The following XKR6 variants were observed in gnomAD, a reference collection of about 807,000 sequenced individuals.
XKR6 encodes XK-related protein 6.
A neutral mutation model predicts 56.7 loss-of-function variants in XKR6; 22 were observed. The observed-to-expected ratio is 0.39, with a 90% confidence interval of 0.28 to 0.55. The LOEUF is 0.55. Among genes scored for constraint, XKR6 ranks in the 20% least tolerant of loss-of-function variants. XKR6 has a pLI of 0.66. For synonymous variants in XKR6, 524 were observed against 387.8 expected (o/e 1.35, Z -4.13); for missense variants, 852 against 889.0 (o/e 0.96, Z 0.53).
At chr8:11,157,037 G>A (rs1426131501) in intron 1 of XKR6, among the ~76,000 whole-genome samples, 1 of 152,226 alleles carries the variant, frequency 6.6e-6, no homozygotes, top group Non-Finnish European at 1.5e-5. Context: ...TTGAGGTCAT[G>A]AGAGGGCACT....
In XKR6 at chr8:11,167,853, C is replaced by T. The variant is rs950810994; in HGVS notation, c.764+32723G>A. On this transcript the variant is annotated intron_variant, in intron 1 of 2. Transcript: ENST00000416569. ...ACTACCAGGCTAGGCACAGTGGCTCCTGCCAAGCCTGGGTGACAGAGTAAG... is the reference window on the plus strand; with the variant it reads ...ACTACCAGGCTAGGCACAGTGGCTCTTGCCAAGCCTGGGTGACAGAGTAAG... Among the ~76,000 whole-genome samples the T allele has an allele frequency of 8.0e-5, 12 of 149,348 alleles. 1 individual carries two copies. The highest frequency in any genetic ancestry group is 3.0e-4 in the African/African-American group (12 of 40,516).
At chr8:11,108,781 C>T (rs1459348485) in intron 1 of XKR6, 2 of 171,098 alleles carry the variant, frequency 1.2e-5, no homozygotes, top group African/African-American at 2.4e-5. Flanking sequence ...AAAATGAAGA[C>T]GATCTTCTGG....
At chr8:11,174,820 C>T (rs1802576235) in intron 1 of XKR6, among the ~76,000 whole-genome samples, 1 of 152,166 alleles carries the variant, frequency 6.6e-6, no homozygotes, top group South Asian at 2.1e-4. Context: ...CAGAGAAGCA[C>T]AAGAGAACGG....
chr8:11,156,594 G>A (rs1454711471), intron 1 of XKR6, among the ~76,000 whole-genome samples: 8 of 152,148 alleles, frequency 5.3e-5, no homozygotes, highest in Non-Finnish European at 8.8e-5. Context: ...CCCCAAAGAA[G>A]TTAAAAATTA....
chr8:10,948,387 T>C (rs1173185331), intron 1 of XKR6, among the ~76,000 whole-genome samples: 2 of 152,170 alleles, frequency 1.3e-5, no homozygotes, highest in Non-Finnish European at 2.9e-5. Context: ...CTTAGGCTCT[T>C]GAAACCTCTG....
At chr8:11,107,194 A>ATTTT (rs562010935) in intron 1 of XKR6, among the ~76,000 whole-genome samples, 21 of 144,572 alleles carry the variant, frequency 1.5e-4, no homozygotes, top group Admixed American at 6.3e-4. Context: ...CAGGATTCCA[A>ATTTT]TTTTTTTTTT....
chr8:10,938,073 T>C (rs1801279054), intron 1 of XKR6, among the ~76,000 whole-genome samples: 1 of 152,188 alleles, frequency 6.6e-6, no homozygotes, highest in Non-Finnish European at 1.5e-5. Flanking sequence ...CGTAGGACCC[T>C]CCGAGCCAAG....
At chr8:10,970,707 T>C (rs138279838) in intron 1 of XKR6, among the ~76,000 whole-genome samples, 67 of 151,696 alleles carry the variant, frequency 4.4e-4, no homozygotes, top group African/African-American at 1.5e-3. Flanking sequence ...GTAACATACA[T>C]AGACTAAATT....
intron 1 of XKR6, among the ~76,000 whole-genome samples, chr8:11,164,103 T>A (rs1233939649): frequency 2.0e-5 from 3 of 152,192 alleles, no homozygotes; most frequent in Admixed American, 6.5e-5. Context: ...AGGCCAGCAC[T>A]ACTTCCTACC....
chr8:11,039,727 G>A (rs538898165), intron 1 of XKR6, among the ~76,000 whole-genome samples: 9 of 152,344 alleles, frequency 5.9e-5, no homozygotes, highest in African/African-American at 1.9e-4. Flanking sequence ...CCCAAGGACG[G>A]CAGCTGAGAC....
chr8:11,195,542 C>G (rs941069986), intron 1 of XKR6, among the ~76,000 whole-genome samples: 1 of 152,274 alleles, frequency 6.6e-6, no homozygotes, highest in East Asian at 1.9e-4. Flanking sequence ...ACTTCCTGAT[C>G]AGGTAAGTCT....
chr8:11,134,475 A>G (rs2116908346), intron 1 of XKR6, among the ~76,000 whole-genome samples: 1 of 152,316 alleles, frequency 6.6e-6, no homozygotes, highest in East Asian at 1.9e-4. Flanking sequence ...ACAAGTTACA[A>G]TTCTATGCAC....
chr8:11,073,089 C>G (rs1800175952), intron 1 of XKR6, among the ~76,000 whole-genome samples: 1 of 152,176 alleles, frequency 6.6e-6, no homozygotes. Context: ...CTAAAGGACC[C>G]TGTGATTAGC....
intron 1 of XKR6, among the ~76,000 whole-genome samples, chr8:11,192,988 C>T (rs1803663744): frequency 6.6e-6 from 1 of 152,326 alleles, no homozygotes; most frequent in South Asian, 2.1e-4. Context: ...CTCATTTGTC[C>T]TGTCTATTTA....
At chr8:11,003,068 G>C (rs1798281265) in intron 1 of XKR6, among the ~76,000 whole-genome samples, 1 of 151,918 alleles carries the variant, frequency 6.6e-6, no homozygotes. Flanking sequence ...CACAAAATTT[G>C]CAACTGGGGA....
intron 1 of XKR6, among the ~76,000 whole-genome samples, chr8:11,061,595 GTTCA>G (rs374185850): frequency 1.1e-4 from 16 of 152,002 alleles, no homozygotes; most frequent in South Asian, 2.1e-4. Flanking sequence ...ATGCACATCC[GTTCA>G]TTCATTCATT....
chr8:10,908,581 C>T (rs1314852648), intron 2 of XKR6, among the ~76,000 whole-genome samples: 6 of 152,118 alleles, frequency 3.9e-5, no homozygotes, highest in Non-Finnish European at 7.4e-5. Flanking sequence ...CTTCCAGTAT[C>T]GCTATGTTGT....
chr8:11,074,707 G>A (rs1289110991), intron 1 of XKR6, among the ~76,000 whole-genome samples: 4 of 152,174 alleles, frequency 2.6e-5, no homozygotes, highest in African/African-American at 4.8e-5. Flanking sequence ...CAGAGAGACG[G>A]CGAAGTGGAA....
intron 1 of XKR6, among the ~76,000 whole-genome samples, chr8:11,053,685 T>C (rs1424821721): frequency 1.3e-5 from 2 of 152,226 alleles, no homozygotes; most frequent in African/African-American, 2.4e-5. Flanking sequence ...CAAATCTGTT[T>C]CTAGCCCTCT....
Sources: allele counts gnomAD v4.1 joint callset (sites outside exome capture counted in the v4.1 genomes callset), GRCh38; gene constraint gnomAD v4.1.1; transcripts MANE v1.5; gene names NCBI Gene and HGNC (gene_info 2026-07-23, HGNC 2026-07-21).